CSMD3: variants seen among roughly 807,000 people sequenced by gnomAD.
CSMD3 encodes the protein CUB and Sushi multiple domains 3, also known as CUB and sushi domain-containing protein 3.
Under a neutral mutation model 435.2 loss-of-function variants are expected in CSMD3, and 177 were observed. The observed-to-expected ratio is 0.41, with a 90% CI of 0.36 to 0.46. The LOEUF (loss-of-function observed/expected upper bound fraction) is 0.46, where lower values mean the gene tolerates loss of function less well. CSMD3 is among the 20% of genes least tolerant of loss of function. The pLI is 0.34. For missense variants in CSMD3, 4,265 were observed against 4,504.6 expected, an observed-to-expected ratio of 0.95 and a Z score of 1.52; for synonymous variants, 1,656 against 1,520.5, an observed-to-expected ratio of 1.09 and a Z score of -2.07.
intron 1 of CSMD3, among the ~76,000 whole-genome samples, chr8:113,428,520 A>G (rs187285186): frequency 3.4e-4 from 52 of 151,880 alleles, no homozygotes; most frequent in Admixed American, 2.8e-3. Context: ...GGAGATAACA[A>G]TCTCTATATA....
intron 1 of CSMD3, among the ~76,000 whole-genome samples, chr8:113,394,356 A>G (rs2094474190): frequency 6.6e-6 from 1 of 152,104 alleles, no homozygotes; most frequent in African/African-American, 2.4e-5. Flanking sequence ...TTTTCATAGA[A>G]ATTCTTTTTT....
chr8:112,547,897 CTAGGATGAA>C (rs1827328493), intron 27 of CSMD3, among the ~76,000 whole-genome samples: 1 of 151,978 alleles, frequency 6.6e-6, no homozygotes, highest in African/African-American at 2.4e-5. Flanking sequence ...CTAGACTCTC[CTAGGATGAA>C]TGAGTGAATG....
intron 3 of CSMD3, among the ~76,000 whole-genome samples, chr8:113,232,387 T>C (rs1026642094): frequency 1.3e-5 from 2 of 151,722 alleles, no homozygotes; most frequent in Non-Finnish European, 3.0e-5. Flanking sequence ...CTTTGACTTA[T>C]TCAGACCAAT....
At chr8:113,179,050 G>A (rs1218921209) in intron 3 of CSMD3, among the ~76,000 whole-genome samples, 3 of 151,816 alleles carry the variant, frequency 2.0e-5, no homozygotes, top group African/African-American at 4.8e-5. Flanking sequence ...TATAAAGTGT[G>A]TAAGTTTACT....
chr8:113,304,444 G>A, intron 2 of CSMD3, among the ~76,000 whole-genome samples: 1 of 54,620 alleles, frequency 1.8e-5, no homozygotes, highest in African/African-American at 7.1e-5. Flanking sequence ...AAATCATGCT[G>A]CTATAAAGAC....
chr8:112,947,383 A>G (rs962381766), intron 9 of CSMD3, among the ~76,000 whole-genome samples: 18 of 151,826 alleles, frequency 1.2e-4, no homozygotes, highest in African/African-American at 3.9e-4. Flanking sequence ...TTTTACAGGA[A>G]TTGCCTCATT....
intron 5 of CSMD3, among the ~76,000 whole-genome samples, chr8:113,082,243 G>T (rs1229687414): frequency 1.3e-5 from 2 of 151,968 alleles, no homozygotes; most frequent in African/African-American, 4.8e-5. Flanking sequence ...ACCCACCTGG[G>T]GCCCATCACC....
At chr8:113,057,684 C>T (rs2088407515) in intron 5 of CSMD3, among the ~76,000 whole-genome samples, 1 of 151,886 alleles carries the variant, frequency 6.6e-6, no homozygotes. Context: ...AAAATATTTA[C>T]ATACGACAAG....
chr8:113,242,173 T>A (rs2093226020), intron 3 of CSMD3, among the ~76,000 whole-genome samples: 1 of 151,816 alleles, frequency 6.6e-6, no homozygotes, highest in Admixed American at 6.6e-5. Context: ...AAACAAAAAA[T>A]TGTATGGTAC....
chr8:112,952,242 T>C (rs1659002323), intron 8 of CSMD3, among the ~76,000 whole-genome samples: 1 of 151,584 alleles, frequency 6.6e-6, no homozygotes, highest in African/African-American at 2.4e-5. Context: ...GTTAATTCAT[T>C]TCTTACTTAA....
At chr8:112,240,464 T>C (rs1340711607) in intron 66 of CSMD3, among the ~76,000 whole-genome samples, 3 of 152,000 alleles carry the variant, frequency 2.0e-5, no homozygotes, top group Non-Finnish European at 4.4e-5. Flanking sequence ...TTCAGCATGT[T>C]TTCGACAAGT....
chr8:113,081,607 AGGACCCAAGCT>A (rs1490077726), intron 5 of CSMD3, among the ~76,000 whole-genome samples: 1 of 152,122 alleles, frequency 6.6e-6, no homozygotes, highest in African/African-American at 2.4e-5. Flanking sequence ...CCCGCCTTCT[AGGACCCAAGCT>A]GCTACAGCAT....
rs187450778 is a variant in CSMD3, at chr8:113,350,837, C to A, written c.179-36044G>T. Among the ~76,000 whole-genome samples the A allele has an allele frequency of 1.7e-3, 263 of 152,246 alleles. 1 individual carries two copies. Among genetic ancestry groups the A allele is most frequent in the Non-Finnish European group, 3.3e-3 (225 of 68,006 alleles). The stretch of plus-strand genomic sequence containing the variant: ...TTTGACTTCTGATTTGTTTCTCACC[C>A]TCAGTGCATGCCACTTTTCTCCTTT... On this transcript the variant is annotated intron_variant, in intron 1 of 70. Coordinates refer to ENST00000297405, the MANE Select transcript of CSMD3 (RefSeq NM_198123.2).
chr8:112,726,805 G>A (rs2076975202), intron 13 of CSMD3, among the ~76,000 whole-genome samples: 1 of 151,812 alleles, frequency 6.6e-6, no homozygotes, highest in African/African-American at 2.4e-5. Flanking sequence ...ACGGAAAAAA[G>A]GAAAATTTGA....
intron 10 of CSMD3, among the ~76,000 whole-genome samples, chr8:112,881,596 G>A (rs1026489): frequency 0.8 from 121,252 of 151,928 alleles, 49,179 homozygotes; most frequent in East Asian, 0.93. Context: ...TAGATTTACT[G>A]TTTTCTGCAC....
chr8:113,336,017 C>A (rs1264363746), intron 1 of CSMD3, among the ~76,000 whole-genome samples: 1 of 152,038 alleles, frequency 6.6e-6, no homozygotes, highest in Non-Finnish European at 1.5e-5. Flanking sequence ...TAGTCCTGCT[C>A]TCTTTCCCTT....
intron 38 of CSMD3, among the ~76,000 whole-genome samples, chr8:112,353,351 T>C (rs1426599143): frequency 1.3e-5 from 2 of 151,932 alleles, no homozygotes; most frequent in Non-Finnish European, 2.9e-5. Flanking sequence ...GATCTTGCCA[T>C]TGCAATCCAG....
At chr8:112,957,029 G>C (rs539561184) in intron 7 of CSMD3, among the ~76,000 whole-genome samples, 3 of 151,788 alleles carry the variant, frequency 2.0e-5, no homozygotes, top group East Asian at 1.9e-4. Flanking sequence ...TATTTTAGCT[G>C]TTTATATTTT....
At chr8:113,330,772 A>C (rs2094021578) in intron 1 of CSMD3, among the ~76,000 whole-genome samples, 1 of 151,932 alleles carries the variant, frequency 6.6e-6, no homozygotes, top group African/African-American at 2.4e-5. Flanking sequence ...CAGATTCTCA[A>C]AATACATGGA....
Sources: gnomAD v4.1 joint callset for allele counts (sites outside exome capture counted in the v4.1 genomes callset) on GRCh38, gnomAD v4.1.1 for gene constraint, MANE v1.5 for transcripts, NCBI Gene and HGNC (gene_info 2026-07-23, HGNC 2026-07-21) for gene names.